GPHN: variants seen among roughly 807,000 people sequenced by gnomAD.
The protein encoded by GPHN is gephyrin.
GPHN carries 17 observed loss-of-function variants against 95.5 expected under a neutral mutation model. That is an observed-to-expected ratio of 0.18 (90% CI 0.12 to 0.27). The LOEUF is 0.27. Ranked by LOEUF, GPHN falls within the 10% of genes least tolerant of loss-of-function variation. The pLI, the probability that GPHN is intolerant of heterozygous loss-of-function variation, is 1.00. For missense variants in GPHN, 660 were observed against 978.1 expected (o/e 0.67, Z 4.34); for synonymous variants, 320 against 322.5 (o/e 0.99, Z 0.08).
At chr14:66,623,276 C>CTA in intron 1 of GPHN, among the ~76,000 whole-genome samples, 1 of 152,220 alleles carries the variant, frequency 6.6e-6, no homozygotes, top group Non-Finnish European at 1.5e-5. Context: ...GACCCACCCC[C>CTA]ATAATTCAAT....
chr14:66,944,263 G>A (rs966478645), intron 8 of GPHN, among the ~76,000 whole-genome samples: 1 of 152,210 alleles, frequency 6.6e-6, no homozygotes, highest in African/African-American at 2.4e-5. Flanking sequence ...GGCGGTTCAT[G>A]GAGGGGAAGA....
At chr14:66,553,513 A>T (rs1358894292) in intron 1 of GPHN, among the ~76,000 whole-genome samples, 1 of 152,046 alleles carries the variant, frequency 6.6e-6, no homozygotes, top group Non-Finnish European at 1.5e-5. Flanking sequence ...TTGGTCTTCA[A>T]CTTCACTTTT....
intron 4 of GPHN, among the ~76,000 whole-genome samples, chr14:66,825,699 A>G (rs565733463): frequency 6.6e-6 from 1 of 152,346 alleles, no homozygotes; most frequent in African/African-American, 2.4e-5. Flanking sequence ...AAACCGTGGT[A>G]CATAAACTTT....
the GPHN span, among the ~76,000 whole-genome samples, chr14:67,315,517 C>A: frequency 6.6e-6 from 1 of 152,094 alleles, no homozygotes; most frequent in African/African-American, 2.4e-5. Flanking sequence ...ACCTCGTGAT[C>A]TGCCCACCTT....
chr14:67,409,126 C>G, the GPHN span, among the ~76,000 whole-genome samples: 4 of 151,858 alleles, frequency 2.6e-5, no homozygotes, highest in African/African-American at 9.7e-5. Context: ...ACCTGTAGTC[C>G]CAGCTACTAG....
chr14:67,516,912 CCT>C, the GPHN span, among the ~76,000 whole-genome samples: 3 of 152,132 alleles, frequency 2.0e-5, no homozygotes, highest in Admixed American at 1.3e-4. Context: ...TAGACTTCCC[CCT>C]GAGTTTGTTT....
the GPHN span, among the ~76,000 whole-genome samples, chr14:67,375,879 G>T: frequency 2.0e-5 from 3 of 152,154 alleles, no homozygotes; most frequent in Non-Finnish European, 4.4e-5. Flanking sequence ...TAAAATGAGT[G>T]TGTTAATAGA....
At chr14:67,028,155 C>G (rs920539939) in intron 10 of GPHN, among the ~76,000 whole-genome samples, 4 of 152,154 alleles carry the variant, frequency 2.6e-5, no homozygotes, top group Non-Finnish European at 4.4e-5. Flanking sequence ...ATCTTACTTT[C>G]ACTTAACATG....
chr14:66,575,201 T>C (rs1031625414), intron 1 of GPHN, among the ~76,000 whole-genome samples: 1 of 151,874 alleles, frequency 6.6e-6, no homozygotes, highest in Non-Finnish European at 1.5e-5. Flanking sequence ...CTGAGTATAG[T>C]GTTCTTGGTT....
intron 1 of GPHN, among the ~76,000 whole-genome samples, chr14:66,662,652 G>A (rs915346776): frequency 6.6e-6 from 1 of 152,242 alleles, no homozygotes; most frequent in South Asian, 2.1e-4. Flanking sequence ...AGTAGACTTC[G>A]GAATGTGGAT....
At chr14:67,656,012 G>A in the GPHN span, among the ~76,000 whole-genome samples, 1 of 152,124 alleles carries the variant, frequency 6.6e-6, no homozygotes, top group East Asian at 1.9e-4. Context: ...TTGGGAGGCC[G>A]GAGCAGGTGG....
chr14:67,098,941 A>G (rs2077544160), intron 12 of GPHN, among the ~76,000 whole-genome samples: 1 of 152,122 alleles, frequency 6.6e-6, no homozygotes, highest in African/African-American at 2.4e-5. Context: ...CACGTTTGAG[A>G]TGCAGTTGGT....
At chr14:67,600,136 G>T in the GPHN span, 2 of 1,594,938 alleles carry the variant, frequency 1.3e-6, no homozygotes, top group East Asian at 4.6e-5. Context: ...GCAGGACGGG[G>T]AGTAGTAGCG....
the GPHN span, among the ~76,000 whole-genome samples, chr14:67,687,752 T>C: frequency 6.6e-6 from 1 of 150,902 alleles, no homozygotes; most frequent in African/African-American, 2.4e-5. Context: ...ATTACAAGCA[T>C]GAGCCACCAC....
At chr14:67,650,533 G>GTT in the GPHN span, 1 of 611,996 alleles carries the variant, frequency 1.6e-6, no homozygotes, top group Admixed American at 2.9e-5. Context: ...GCACAACAGT[G>GTT]TTTTAACTTA....
At chr14:67,335,698 C>T in the GPHN span, 1 of 152,628 alleles carries the variant, frequency 6.6e-6, no homozygotes, top group South Asian at 2.1e-4. Flanking sequence ...AACCTTCTGA[C>T]ATCTGTTGTT....
chr14:67,651,237 TCTTTC>T, the GPHN span: 6 of 1,482,186 alleles, frequency 4.0e-6, no homozygotes, highest in Non-Finnish European at 5.4e-6. Context: ...TGGTTTTTCA[TCTTTC>T]CTCCCTCCTC....
chr14:67,221,807 G>A, the GPHN span: 1 of 1,613,066 alleles, frequency 6.2e-7, no homozygotes, highest in Non-Finnish European at 8.5e-7. Context: ...AAACACTTCA[G>A]GTATGGAACA....
At chr14:67,193,330 C>A in the GPHN span, among the ~76,000 whole-genome samples, 1 of 135,242 alleles carries the variant, frequency 7.4e-6, no homozygotes, top group South Asian at 2.4e-4. Context: ...CTATATATCT[C>A]TATATAGATA....
Sources: allele counts gnomAD v4.1 joint callset (sites outside exome capture counted in the v4.1 genomes callset), GRCh38; gene constraint gnomAD v4.1.1; transcripts MANE v1.5; gene names NCBI Gene and HGNC (gene_info 2026-07-23, HGNC 2026-07-21).